RALYL: variants seen among roughly 807,000 people sequenced by gnomAD.
RALYL encodes the protein RALY RNA binding protein like.
Under a neutral mutation model 35.1 loss-of-function variants are expected in RALYL, and 29 were observed. That is an observed-to-expected ratio of 0.83 (90% CI 0.61 to 1.13). The LOEUF (loss-of-function observed/expected upper bound fraction) is 1.13. Among genes scored for constraint, RALYL ranks in the 50% most tolerant of loss-of-function variants. RALYL has a pLI of 0.00. For missense variants in RALYL, 359 were observed against 360.4 expected (o/e 1.00, Z 0.03); for synonymous variants, 120 against 127.6 (o/e 0.94, Z 0.40).
At chr8:84,781,707 G>T (rs770382099) in intron 3 of RALYL, among the ~76,000 whole-genome samples, 1 of 152,094 alleles carries the variant, frequency 6.6e-6, no homozygotes, top group Non-Finnish European at 1.5e-5. Context: ...GGGAATTGAG[G>T]GAGGTGGGCA....
intron 2 of RALYL, among the ~76,000 whole-genome samples, chr8:84,709,275 G>A (rs187435422): frequency 1.1e-4 from 17 of 152,098 alleles, no homozygotes; most frequent in Admixed American, 2.0e-4. Context: ...AGACATTAAT[G>A]GTTTCTCATT....
chr8:84,901,846 A>C (rs540678654), intron 8 of RALYL, among the ~76,000 whole-genome samples: 2 of 152,266 alleles, frequency 1.3e-5, no homozygotes, highest in African/African-American at 2.4e-5. Flanking sequence ...AAAATAGTTC[A>C]GTTAGTCATG....
chr8:84,388,465 A>G (rs1275236781), intron 1 of RALYL, among the ~76,000 whole-genome samples: 1 of 152,166 alleles, frequency 6.6e-6, no homozygotes, highest in African/African-American at 2.4e-5. Flanking sequence ...CCAACAGTGT[A>G]AAAGTGTTTC....
chr8:84,278,006 C>T (rs1835751939), intron 1 of RALYL, among the ~76,000 whole-genome samples: 1 of 152,202 alleles, frequency 6.6e-6, no homozygotes, highest in Admixed American at 6.5e-5. Flanking sequence ...CTCCACTAGG[C>T]AGTGCCCCAG....
intron 2 of RALYL, among the ~76,000 whole-genome samples, chr8:84,569,982 T>C (rs1175053147): frequency 6.6e-6 from 1 of 151,978 alleles, no homozygotes; most frequent in Non-Finnish European, 1.5e-5. Context: ...CTTTTATACC[T>C]ACTGTAGCCT....
rs191173959 is a variant in RALYL at position 84,453,749 on chromosome 8, C to G, written c.-23-75550C>G. Among the ~76,000 whole-genome samples, 438 of 152,074 alleles carry G rather than the reference C, an allele frequency of 2.9e-3. 4 individuals carry two copies. The highest frequency in any genetic ancestry group is 9.9e-3 in the African/African-American group (412 of 41,518). On this transcript the variant is annotated intron_variant, in intron 1 of 8. Coordinates refer to ENST00000521268, the MANE Select transcript of RALYL (RefSeq NM_173848.7). ...TTCAGAAATGAATTAAATAAGCTGA[C>G]TAGTTTCATTAATACTATCTCAAAC...
Position 84,372,886 on chromosome 8 carries a change from G to GTTTTTTT in RALYL, c.-23-156390_-23-156384dup, listed in dbSNP as rs76885544. On this transcript the variant is annotated intron_variant, in intron 1 of 8. Coordinates refer to ENST00000521268, the MANE Select transcript of RALYL (RefSeq NM_173848.7). ...TTTCTCCACAACCATGCCAGCATCT[G>GTTTTTTT]TTTTTTTTTTTTTTTTTTTTTTTTT... Among the ~76,000 whole-genome samples, 241 of 39,026 alleles carry GTTTTTTT rather than the reference G, an allele frequency of 6.2e-3. 7 individuals are homozygous for GTTTTTTT. Among genetic ancestry groups the GTTTTTTT allele is most frequent in the Non-Finnish European group, 6.9e-3 (151 of 21,982 alleles). The allele number at this position is 39,026 out of a possible 152,430, so 25.6% of individuals were successfully genotyped here. A position where few individuals can be genotyped will look rare whatever the true frequency, so the allele number is the denominator to read the frequency against.
chr8:84,588,883 CCT>C lies in RALYL; in HGVS notation c.256+59307_256+59308del, dbSNP rs1033734521. 1.6e-3 allele frequency among the ~76,000 whole-genome samples: 234 copies of C among 150,494 alleles called. 1 individual carries two copies. Among genetic ancestry groups the C allele is most frequent in the African/African-American group, 5.2e-3 (209 of 40,488 alleles). ...TTTTGTTTTGTTTTTTATTCTTTCCCCTGTCTCCCAACATAGGACTTGTTTTT... is the reference window on the plus strand; with the variant it reads ...TTTTGTTTTGTTTTTTATTCTTTCCCGTCTCCCAACATAGGACTTGTTTTT... On this transcript the variant is annotated intron_variant, in intron 2 of 8. Coordinates refer to ENST00000521268, the MANE Select transcript of RALYL (RefSeq NM_173848.7).
intron 2 of RALYL, chr8:84,705,794 G>T: frequency 1.3e-6 from 1 of 765,882 alleles, no homozygotes; most frequent in South Asian, 2.8e-5. Context: ...ATCGGGGGAG[G>T]TGAAGGAAAT....
At chr8:84,427,959 A>G (rs2046685539) in intron 1 of RALYL, among the ~76,000 whole-genome samples, 2 of 152,204 alleles carry the variant, frequency 1.3e-5, no homozygotes. Flanking sequence ...TGCTAAGGCA[A>G]TGAATCTATC....
At chr8:84,851,665 G>A (rs1057317971) in intron 5 of RALYL, among the ~76,000 whole-genome samples, 1 of 152,094 alleles carries the variant, frequency 6.6e-6, no homozygotes, top group Non-Finnish European at 1.5e-5. Flanking sequence ...AGCCTCTAGG[G>A]CCTTTTGTAA....
At chr8:84,689,250 C>T (rs1479619249) in intron 2 of RALYL, among the ~76,000 whole-genome samples, 1 of 152,012 alleles carries the variant, frequency 6.6e-6, no homozygotes, top group African/African-American at 2.4e-5. Context: ...CACAACAGTC[C>T]CCAGAGTGTG....
intron 2 of RALYL, among the ~76,000 whole-genome samples, chr8:84,699,019 T>C (rs1016626605): frequency 6.6e-6 from 1 of 151,116 alleles, no homozygotes. Flanking sequence ...GATAGATAGA[T>C]AGATAGATAG....
intron 1 of RALYL, among the ~76,000 whole-genome samples, chr8:84,218,287 A>G (rs1343324403): frequency 6.6e-6 from 1 of 152,186 alleles, no homozygotes; most frequent in East Asian, 1.9e-4. Context: ...TATCAGGGCC[A>G]GTTACACTAT....
At chr8:84,562,998 T>A (rs1373370490) in intron 2 of RALYL, among the ~76,000 whole-genome samples, 1 of 151,844 alleles carries the variant, frequency 6.6e-6, no homozygotes, top group Non-Finnish European at 1.5e-5. Flanking sequence ...AAATGTAGAT[T>A]CTGGAAAGGA....
chr8:84,487,361 A>G (rs1200767150), intron 1 of RALYL, among the ~76,000 whole-genome samples: 1 of 152,112 alleles, frequency 6.6e-6, no homozygotes, highest in Non-Finnish European at 1.5e-5. Context: ...TAAGAAATTC[A>G]AGATAAATGT....
At chr8:84,372,681 C>A (rs1356352222) in intron 1 of RALYL, among the ~76,000 whole-genome samples, 1 of 151,902 alleles carries the variant, frequency 6.6e-6, no homozygotes, top group East Asian at 1.9e-4. Context: ...CCAACAAAGT[C>A]AGACCTTGTC....
intron 1 of RALYL, among the ~76,000 whole-genome samples, chr8:84,436,143 T>C (rs1177617366): frequency 1.3e-5 from 2 of 152,150 alleles, no homozygotes; most frequent in African/African-American, 2.4e-5. Context: ...TCTGAAGTAG[T>C]TGATCTAGGC....
At chr8:84,858,792 G>T (rs1343806508) in intron 5 of RALYL, among the ~76,000 whole-genome samples, 2 of 152,106 alleles carry the variant, frequency 1.3e-5, no homozygotes, top group Non-Finnish European at 2.9e-5. Flanking sequence ...ATCGCAGAAA[G>T]CCTTCCCCGC....
Sources: allele counts gnomAD v4.1 joint callset (sites outside exome capture counted in the v4.1 genomes callset), GRCh38; gene constraint gnomAD v4.1.1; transcripts MANE v1.5; gene names NCBI Gene and HGNC (gene_info 2026-07-23, HGNC 2026-07-21).